DMD: variants seen among roughly 807,000 people sequenced by gnomAD.
DMD encodes the protein dystrophin, also known as mutant dystrophin.
In DMD, 63 loss-of-function variants were observed where a neutral mutation model predicts 330.1. That is an observed-to-expected ratio of 0.19 (90% confidence interval 0.16 to 0.24). DMD has a LOEUF of 0.24. Among genes scored for constraint, DMD ranks in the 10% least tolerant of loss-of-function variants. The pLI is 1.00. For synonymous variants in DMD, 1,223 were observed against 959.8 expected, an observed-to-expected ratio of 1.27 and a Z score of -5.07; for missense variants, 3,344 against 2,684.1, an observed-to-expected ratio of 1.25 and a Z score of -5.43.
intron 1 of DMD, among the ~76,000 whole-genome samples, chrX:33,171,377 C>A (rs752206079): frequency 9.0e-6 from 1 of 111,277 alleles, no homozygotes; most frequent in South Asian, 3.7e-4. Context: ...AATGTTAATG[C>A]TACAGTAGTA....
rs780640709 is a variant in DMD at position 32,714,701 on chromosome X, A to G, written c.650-15408T>C. 2.7e-5 allele frequency among the ~76,000 whole-genome samples: 3 copies of G among 111,699 alleles called. No homozygotes were observed. The East Asian group carries it at 8.5e-4, about 32-fold the overall frequency. On this transcript the variant is annotated intron_variant, in intron 7 of 78. Coordinates refer to ENST00000357033, the MANE Select transcript of DMD (RefSeq NM_004006.3). ...TCATCATATGTGACTTCCTTTCCTCATGTCTTTATTTATGTACTTATATAC... is the reference window on the plus strand; with the variant it reads ...TCATCATATGTGACTTCCTTTCCTCGTGTCTTTATTTATGTACTTATATAC...
chrX:33,304,871 C>T (rs2053729746), intron 1 of DMD, among the ~76,000 whole-genome samples: 1 of 104,012 alleles, frequency 9.6e-6, no homozygotes, highest in African/African-American at 3.5e-5. Context: ...AATGAGATAC[C>T]ATCTCACACC....
rs151323976 is a variant in DMD at position 32,230,099 on chromosome X, C to G, written c.6291-13036G>C. On this transcript the variant is annotated intron_variant, in intron 43 of 78. Coordinates refer to ENST00000357033, the MANE Select transcript of DMD (RefSeq NM_004006.3). ...CTATATTGAATCACCATTTTTACCT[C>G]CTATAACAGGTGCCAAAAAATAATG... is the stretch of plus-strand genomic sequence containing the variant. 8.4e-3 allele frequency among the ~76,000 whole-genome samples: 934 copies of G among 111,081 alleles called. 8 individuals carry two copies. The highest frequency in any genetic ancestry group is 0.029 in the African/African-American group (888 of 30,585).
intron 2 of DMD, among the ~76,000 whole-genome samples, chrX:33,003,213 T>C (rs1306436616): frequency 1.8e-5 from 2 of 110,726 alleles, no homozygotes; most frequent in African/African-American, 3.3e-5. Flanking sequence ...ATCCTCATAG[T>C]TGAGCTCCCA....
At chrX:31,384,309 CACT>C (rs79171547) in intron 60 of DMD, among the ~76,000 whole-genome samples, 7,957 of 91,199 alleles carry the variant, frequency 0.087, 316 homozygotes, top group East Asian at 0.18. Context: ...TATCCTGCTT[CACT>C]ACTACTACTA....
chrX:32,210,944 T>C (rs773436703), intron 44 of DMD, among the ~76,000 whole-genome samples: 1 of 112,070 alleles, frequency 8.9e-6, no homozygotes, highest in Admixed American at 9.5e-5. Flanking sequence ...TCCATTGTGC[T>C]CTCTGAATCT....
intron 54 of DMD, among the ~76,000 whole-genome samples, chrX:31,657,694 G>C (rs1010149932): frequency 2.7e-5 from 3 of 112,121 alleles, no homozygotes; most frequent in Non-Finnish European, 5.6e-5. Context: ...CCTTTGGATA[G>C]AGTTATCAAA....
chrX:33,189,333 CAG>C (rs2050414614), intron 1 of DMD, among the ~76,000 whole-genome samples: 2 of 111,547 alleles, frequency 1.8e-5, no homozygotes, highest in South Asian at 3.7e-4. Context: ...GATAAAATAA[CAG>C]TATCCGTGTA....
At chrX:31,515,013 G>C (rs1441565982) in intron 55 of DMD, among the ~76,000 whole-genome samples, 3 of 110,541 alleles carry the variant, frequency 2.7e-5, no homozygotes, top group Non-Finnish European at 5.7e-5. Context: ...TAAAAGTTTA[G>C]AAAGAAAAGT....
chrX:32,657,625 A>G (rs889902466), intron 9 of DMD, among the ~76,000 whole-genome samples: 11 of 111,985 alleles, frequency 9.8e-5, no homozygotes, highest in African/African-American at 3.2e-4. Context: ...GATGAACATA[A>G]TAACTCTGTA....
chrX:31,559,747 C>T (rs1331992190), intron 55 of DMD, among the ~76,000 whole-genome samples: 3 of 108,750 alleles, frequency 2.8e-5, no homozygotes, highest in Non-Finnish European at 3.8e-5. Context: ...CTCAGCGCCC[C>T]GAACCCTCAC....
At chrX:31,495,371 C>A (rs189362957) in intron 57 of DMD, among the ~76,000 whole-genome samples, 2 of 111,143 alleles carry the variant, frequency 1.8e-5, no homozygotes, top group East Asian at 5.6e-4. Context: ...GTTTGGTTTG[C>A]TATTCATTTC....
At chrX:31,483,109 C>G (rs1043478016) in intron 57 of DMD, among the ~76,000 whole-genome samples, 5 of 98,852 alleles carry the variant, frequency 5.1e-5, no homozygotes, top group Non-Finnish European at 1.0e-4. Flanking sequence ...TGCAGTGGCG[C>G]AATCTCGGCT....
intron 45 of DMD, among the ~76,000 whole-genome samples, chrX:31,934,512 T>A (rs2094899415): frequency 8.9e-6 from 1 of 111,765 alleles, no homozygotes; most frequent in South Asian, 3.7e-4. Context: ...TATGTACTTG[T>A]AGGGTACGTG....
chrX:32,185,865 A>G lies in DMD; in HGVS notation c.6438+31051T>C, dbSNP rs1341084652. On this transcript the variant is annotated intron_variant, in intron 44 of 78. Transcript: ENST00000357033. ...CATGTTGCATCATGGTCTTAATTCC[A>G]CATTTCATGTAGCAGAATGTATCCC... Among the ~76,000 whole-genome samples the G allele has an allele frequency of 2.0e-4, 22 of 110,901 alleles. No individual in the cohort carries two copies. The Admixed American group carries it at 2.1e-3, about 11-fold the overall frequency.
At position 32,602,030 on chromosome X, in the gene DMD, G is replaced by A. The variant is rs188217931; in HGVS notation, c.1483-6154C>T. 3.4e-3 allele frequency among the ~76,000 whole-genome samples: 375 copies of A among 111,845 alleles called. 1 individual carries two copies. The highest frequency in any genetic ancestry group is 0.011 in the African/African-American group (339 of 30,913). ...TTTCTAATAGACATCATAAGTGCAG[G>A]AAGAGAATGTGATTTTTGAAAAGTC... On this transcript the variant is annotated intron_variant, in intron 12 of 78. Transcript: ENST00000357033.
intron 47 of DMD, among the ~76,000 whole-genome samples, chrX:31,916,657 C>T (rs1000374894): frequency 6.3e-5 from 7 of 111,710 alleles, no homozygotes; most frequent in African/African-American, 2.3e-4. Flanking sequence ...AAGAAATACC[C>T]TGAAATCTCC....
At chrX:31,720,451 C>G (rs973050346) in intron 52 of DMD, among the ~76,000 whole-genome samples, 2 of 111,338 alleles carry the variant, frequency 1.8e-5, no homozygotes, top group Non-Finnish European at 3.8e-5. Flanking sequence ...AAATTCAAGA[C>G]TTTAGTTACA....
intron 1 of DMD, among the ~76,000 whole-genome samples, chrX:33,101,462 T>A (rs1474979340): frequency 9.0e-6 from 1 of 111,713 alleles, no homozygotes; most frequent in Non-Finnish European, 1.9e-5. Flanking sequence ...AAACCCCGTC[T>A]CTACTAAAAA....
Sources: gnomAD v4.1 joint callset for allele counts (sites outside exome capture counted in the v4.1 genomes callset) on GRCh38, gnomAD v4.1.1 for gene constraint, MANE v1.5 for transcripts, NCBI Gene and HGNC (gene_info 2026-07-23, HGNC 2026-07-21) for gene names.